The following GRID1 variants were observed in gnomAD, a reference collection of about 807,000 sequenced individuals.
GRID1 encodes glutamate receptor ionotropic, delta-1.
A neutral mutation model predicts 98.0 loss-of-function variants in GRID1; 28 were observed. The ratio of observed to expected loss-of-function variants is 0.29; its 90% CI spans 0.21 to 0.39. The LOEUF (loss-of-function observed/expected upper bound fraction) is 0.39. Ranked by LOEUF, GRID1 falls within the 10% of genes least tolerant of loss-of-function variation. The pLI is 1.00. For missense variants in GRID1, 1,111 were observed against 1,340.5 expected, an observed-to-expected ratio of 0.83 and a Z score of 2.67; for synonymous variants, 553 against 538.5, an observed-to-expected ratio of 1.03 and a Z score of -0.37.
chr10:86,161,934 G>A (rs971810661), intron 3 of GRID1, among the ~76,000 whole-genome samples: 10 of 152,168 alleles, frequency 6.6e-5, no homozygotes, highest in African/African-American at 2.4e-4. Flanking sequence ...AAAAACAAGT[G>A]TGTTGTATTT....
chr10:86,061,087 C>A (rs370468452), intron 4 of GRID1, among the ~76,000 whole-genome samples: 1 of 152,202 alleles, frequency 6.6e-6, no homozygotes, highest in African/African-American at 2.4e-5. Flanking sequence ...CCTCCACTAT[C>A]CTTCTCCCAC....
intron 4 of GRID1, among the ~76,000 whole-genome samples, chr10:86,133,210 C>CATATTG (rs1844865364): frequency 6.6e-6 from 1 of 152,148 alleles, no homozygotes; most frequent in Non-Finnish European, 1.5e-5. Flanking sequence ...TGCACAGGTG[C>CATATTG]ATGTGTTTGT....
chr10:86,198,155 C>T (rs1845902073), intron 3 of GRID1, among the ~76,000 whole-genome samples: 1 of 152,124 alleles, frequency 6.6e-6, no homozygotes, highest in Admixed American at 6.6e-5. Flanking sequence ...CAGGAAGACT[C>T]TGGGGGTGAG....
intron 4 of GRID1, among the ~76,000 whole-genome samples, chr10:86,054,013 C>T (rs138613257): frequency 2.0e-3 from 300 of 152,284 alleles, no homozygotes; most frequent in Middle Eastern, 3.4e-3. Flanking sequence ...ATAAAGGAGT[C>T]TGTAGATGGA....
At chr10:86,094,958 A>G (rs1429520428) in intron 4 of GRID1, among the ~76,000 whole-genome samples, 1 of 152,230 alleles carries the variant, frequency 6.6e-6, no homozygotes, top group African/African-American at 2.4e-5. Context: ...CTGTAAGGCC[A>G]TAGCCACCAA....
chr10:85,733,052 T>C (rs1303457937), intron 8 of GRID1, among the ~76,000 whole-genome samples: 1 of 152,222 alleles, frequency 6.6e-6, no homozygotes, highest in Non-Finnish European at 1.5e-5. Context: ...AGAAAAGTTG[T>C]AGATATTGTA....
Position 85,731,993 on chromosome 10 carries a change from A to G in GRID1, c.1234-2379T>C, listed in dbSNP as rs115427310. On this transcript the variant is annotated intron_variant, in intron 8 of 15. Coordinates refer to ENST00000327946, the MANE Select transcript of GRID1 (RefSeq NM_017551.3). ...GGAAAGGAAAGGAAGAAATTGCATT[A>G]AGATACAGAATTGGTTCCTACAGCT... Among the ~76,000 whole-genome samples, 144 of 152,256 alleles carry G rather than the reference A, an allele frequency of 9.5e-4. 1 individual carries two copies. The highest frequency in any genetic ancestry group is 3.4e-3 in the African/African-American group (141 of 41,552).
At chr10:86,284,301 T>TAC (rs1268011230) in intron 2 of GRID1, among the ~76,000 whole-genome samples, 8 of 151,970 alleles carry the variant, frequency 5.3e-5, no homozygotes, top group Non-Finnish European at 8.8e-5. Context: ...CATTCACCCC[T>TAC]ACACACACAC....
At chr10:85,608,567 C>T (rs892656643) in intron 15 of GRID1, among the ~76,000 whole-genome samples, 3 of 152,208 alleles carry the variant, frequency 2.0e-5, no homozygotes, top group Non-Finnish European at 4.4e-5. Flanking sequence ...GTCCCTGGCA[C>T]ATAGAAAGTG....
intron 12 of GRID1, among the ~76,000 whole-genome samples, chr10:85,662,379 C>A (rs1840975127): frequency 6.6e-6 from 1 of 152,122 alleles, no homozygotes; most frequent in African/African-American, 2.4e-5. Flanking sequence ...TTGAGGAGAC[C>A]CCCAGGTAGG....
chr10:85,895,148 A>C (rs899165161), intron 5 of GRID1, among the ~76,000 whole-genome samples: 4 of 151,540 alleles, frequency 2.6e-5, no homozygotes, highest in African/African-American at 9.7e-5. Context: ...CCCTGACATC[A>C]GTTTAATCAA....
Position 85,613,415 on chromosome 10 carries a change from G to A in GRID1, c.2593C>T (p.Pro865Ser), listed in dbSNP as rs375701164. The part of the protein sequence containing the change: ...WNSNRCHQET[P>S]KEDKEVNLEQ... ...GGCCCCAGGGTGCTGACCTCCTTGG[G>A]GGTCTCCTGGTGGCACCGGTTGCTG... The change falls in exon 15 of 16, where the codon CCC becomes TCC. Residue 865 changes from proline (P) to serine (S), a missense_variant. Transcript: ENST00000327946. The A allele has an allele frequency of 9.9e-6, 16 of 1,612,680 alleles. No homozygotes were observed. The highest frequency in any genetic ancestry group is 2.2e-5 in the East Asian group (1 of 44,876).
At position 85,905,335 on chromosome 10, in the gene GRID1, G is replaced by A. The variant is rs372423351; in HGVS notation, c.780+10851C>T. 9.2e-4 allele frequency among the ~76,000 whole-genome samples: 140 copies of A among 151,778 alleles called. 1 individual carries two copies. In the South Asian group the frequency reaches 0.013, roughly 14 times the overall value. ...AGTCATTTTCAGACATACAAAAGCG[G>A]CAAGCATTCACCACCAGCAGAACTG... On this transcript the variant is annotated intron_variant, in intron 5 of 15. Transcript: ENST00000327946.
chr10:86,284,580 G>A (rs889822757), intron 2 of GRID1, among the ~76,000 whole-genome samples: 3 of 152,208 alleles, frequency 2.0e-5, no homozygotes, highest in Non-Finnish European at 4.4e-5. Context: ...CCCAGGTGGG[G>A]GCCAACAAAG....
At chr10:86,012,510 A>G (rs531083888) in intron 4 of GRID1, among the ~76,000 whole-genome samples, 1 of 152,270 alleles carries the variant, frequency 6.6e-6, no homozygotes, top group East Asian at 1.9e-4. Flanking sequence ...CATCACAATT[A>G]AGTATCATGA....
At chr10:85,676,568 C>T (rs1177404251) in intron 12 of GRID1, among the ~76,000 whole-genome samples, 1 of 152,196 alleles carries the variant, frequency 6.6e-6, no homozygotes, top group Non-Finnish European at 1.5e-5. Flanking sequence ...CAACTACAGG[C>T]AAGAAAGCTT....
intron 12 of GRID1, among the ~76,000 whole-genome samples, chr10:85,679,980 C>T (rs1458092878): frequency 6.6e-6 from 1 of 152,124 alleles, no homozygotes; most frequent in East Asian, 1.9e-4. Flanking sequence ...GTCCTGAGGC[C>T]GTGGGCAGGG....
chr10:85,675,695 G>T (rs1304959523), intron 12 of GRID1, among the ~76,000 whole-genome samples: 1 of 152,200 alleles, frequency 6.6e-6, no homozygotes, highest in African/African-American at 2.4e-5. Context: ...TCAGAGAGAA[G>T]AATAATGTTC....
intron 3 of GRID1, among the ~76,000 whole-genome samples, chr10:86,144,394 TG>T (rs1479228571): frequency 6.6e-6 from 1 of 152,134 alleles, no homozygotes; most frequent in Non-Finnish European, 1.5e-5. Flanking sequence ...ATGACAAGGC[TG>T]GACTGTGGAA....
Sources: allele counts gnomAD v4.1 joint callset (sites outside exome capture counted in the v4.1 genomes callset), GRCh38; gene constraint gnomAD v4.1.1; transcripts MANE v1.5; gene names NCBI Gene and HGNC (gene_info 2026-07-23, HGNC 2026-07-21).